YWHAZ: variants seen among roughly 807,000 people sequenced by gnomAD.
The protein encoded by YWHAZ is tyrosine 3-monooxygenase/tryptophan 5-monooxygenase activation protein zeta.
For synonymous variants in YWHAZ, 87 were observed against 103.6 expected, an observed-to-expected ratio of 0.84 and a Z score of 0.97; for missense variants, 79 against 284.8, an observed-to-expected ratio of 0.28 and a Z score of 5.20.
rs11398423 is a variant in YWHAZ at position 100,934,323 on chromosome 8, CTT to C, written c.295-9286_295-9285del. On this transcript the variant is annotated intron_variant, in intron 2 of 5. Coordinates refer to ENST00000395958, the MANE Select transcript of YWHAZ (RefSeq NM_145690.3). ...CATGGGGGACAGAGGGAGACCCTATCTTTTTTTTTTTTTTTTAAAAGGAGGGT... is the reference window on the plus strand; with the variant it reads ...CATGGGGGACAGAGGGAGACCCTATCTTTTTTTTTTTTTTAAAAGGAGGGT... 1.7e-4 allele frequency among the ~76,000 whole-genome samples: 25 copies of C among 144,684 alleles called. 1 individual carries two copies. The highest frequency in any genetic ancestry group is 3.3e-4 in the African/African-American group (13 of 39,240). The allele number at this position is 144,684 out of a possible 152,430, so 94.9% of individuals were successfully genotyped here. A position where few individuals can be genotyped will look rare whatever the true frequency, so the allele number is the denominator to read the frequency against.
At chr8:100,938,470 A>C (rs964254754) in intron 2 of YWHAZ, among the ~76,000 whole-genome samples, 2 of 152,204 alleles carry the variant, frequency 1.3e-5, no homozygotes, top group Admixed American at 6.5e-5. Context: ...TAAAACTCCC[A>C]GTTTATATTA....
chr8:100,941,910 A>T (rs1809894947), intron 2 of YWHAZ, among the ~76,000 whole-genome samples: 1 of 152,248 alleles, frequency 6.6e-6, no homozygotes, highest in Non-Finnish European at 1.5e-5. Context: ...ATTTAATGCA[A>T]TAATCCTTCT....
chr8:100,928,554 A>G (rs969691670), intron 2 of YWHAZ, among the ~76,000 whole-genome samples: 14 of 151,976 alleles, frequency 9.2e-5, no homozygotes, highest in African/African-American at 3.4e-4. Context: ...CAACACGGTA[A>G]AACCTCGTCT....
intron 2 of YWHAZ, among the ~76,000 whole-genome samples, chr8:100,934,323 C>CTTTT (rs11398423): frequency 3.5e-5 from 5 of 144,716 alleles, no homozygotes; most frequent in East Asian, 4.0e-4. Flanking sequence ...GAGACCCTAT[C>CTTTT]TTTTTTTTTT....
At chr8:100,947,948 T>C (rs1810429417) in intron 2 of YWHAZ, 3 of 577,810 alleles carry the variant, frequency 5.2e-6, no homozygotes, top group Non-Finnish European at 8.5e-6. Context: ...CAAAATGTAG[T>C]TTAATTCTTT....
At chr8:100,943,914 A>C (rs59962114) in intron 2 of YWHAZ, among the ~76,000 whole-genome samples, 1 of 151,404 alleles carries the variant, frequency 6.6e-6, no homozygotes, top group East Asian at 1.9e-4. Context: ...GTGAGCCCGG[A>C]AGGCAGAGCT....
chr8:100,920,418 CA>C lies in YWHAZ; in HGVS notation c.*274del. The C allele has an allele frequency of 2.5e-6, 1 of 405,118 alleles. No homozygotes were observed. Among genetic ancestry groups the C allele is most frequent in the Non-Finnish European group, 4.4e-6 (1 of 226,894 alleles). The allele number at this position is 405,118 out of a possible 1,614,324, so 25.1% of individuals were successfully genotyped here. A position where few individuals can be genotyped will look rare whatever the true frequency, so the allele number is the denominator to read the frequency against. On this transcript the variant is annotated 3_prime_UTR_variant, in exon 6 of 6. Transcript: ENST00000395958. The stretch of plus-strand genomic sequence containing the variant: ...TGGCCCTTTTGAAGCCACAATGTAC[CA>C]AAAGTACTATGCCAAACACTTATAA...
intron 2 of YWHAZ, among the ~76,000 whole-genome samples, chr8:100,926,903 C>T (rs1309037747): frequency 5.3e-5 from 8 of 152,142 alleles, no homozygotes; most frequent in Non-Finnish European, 1.2e-4. Context: ...TCAAAAGTTT[C>T]ATTGTTACAC....
At chr8:100,937,405 T>A (rs1814229150) in intron 2 of YWHAZ, among the ~76,000 whole-genome samples, 1 of 152,178 alleles carries the variant, frequency 6.6e-6, no homozygotes, top group South Asian at 2.1e-4. Flanking sequence ...AAAGTTCTCA[T>A]CTTGTCTTAA....
At chr8:100,928,318 C>G in intron 2 of YWHAZ, among the ~76,000 whole-genome samples, 1 of 151,892 alleles carries the variant, frequency 6.6e-6, no homozygotes, top group Non-Finnish European at 1.5e-5. Flanking sequence ...TGGCCTACTT[C>G]TAATAAATCG....
chr8:100,951,264 C>A (rs1308237469), intron 1 of YWHAZ: 56 of 984,702 alleles, frequency 5.7e-5, no homozygotes, highest in Non-Finnish European at 6.6e-5. Flanking sequence ...CAGGCCTGGG[C>A]TCCGGCCCGC....
intron 2 of YWHAZ, among the ~76,000 whole-genome samples, chr8:100,929,632 G>C (rs1317008992): frequency 1.3e-5 from 2 of 152,174 alleles, no homozygotes; most frequent in East Asian, 1.9e-4. Context: ...CTATCTAACC[G>C]GATTTTTGTA....
chr8:100,917,017 C>T lies in YWHAZ; in HGVS notation c.*3676G>A, dbSNP rs888839430. On this transcript the variant is annotated 3_prime_UTR_variant, in exon 6 of 6. Coordinates refer to ENST00000395958, the MANE Select transcript of YWHAZ (RefSeq NM_145690.3). ...TGGTAAATGAGAGAATACAATCAAG[C>T]CAAATTTATTTCTTGACCTTTCCCT... The T allele has an allele frequency of 2.6e-5, 4 of 152,198 alleles. No individual in the cohort carries two copies. The highest frequency in any genetic ancestry group is 9.7e-5 in the African/African-American group (4 of 41,448). The allele number at this position is 152,198 out of a possible 1,614,324, so 9.4% of individuals were successfully genotyped here.
At chr8:100,934,157 C>CAA (rs35069019) in intron 2 of YWHAZ, among the ~76,000 whole-genome samples, 12,878 of 77,976 alleles carry the variant, frequency 0.17, 3,144 homozygotes, top group African/African-American at 0.24. Flanking sequence ...AGACTCGTCT[C>CAA]AAAAAAAAAA....
chr8:100,951,114 G>T, intron 1 of YWHAZ: 42 of 700,118 alleles, frequency 6.0e-5, no homozygotes, highest in Non-Finnish European at 6.8e-5. Flanking sequence ...GAAAATTCAA[G>T]TCCTTCCTCC....
chr8:100,926,699 C>A (rs905070070), intron 2 of YWHAZ, among the ~76,000 whole-genome samples: 3 of 152,196 alleles, frequency 2.0e-5, no homozygotes, highest in African/African-American at 7.2e-5. Flanking sequence ...CTGTCTTACA[C>A]CACATTCATA....
rs1187891831 is a variant in YWHAZ at position 100,919,278 on chromosome 8, A to G, written c.*1415T>C. 1 of 152,678 alleles carries G rather than the reference A, an allele frequency of 6.5e-6. No homozygotes were observed. The highest frequency in any genetic ancestry group is 1.9e-4 in the East Asian group (1 of 5,202). 9.5% of individuals were successfully genotyped at this position (152,678 alleles called of 1,614,324 possible). On this transcript the variant is annotated 3_prime_UTR_variant, in exon 6 of 6. Transcript: ENST00000395958. ...ATCAAAATTGAAGGCAGGCTATAAG[A>G]GTATCAAGAAATTCTTAAAAACCAA... is the stretch of plus-strand genomic sequence containing the variant.
chr8:100,949,524 T>C (rs1294549950), intron 1 of YWHAZ, among the ~76,000 whole-genome samples: 2 of 152,216 alleles, frequency 1.3e-5, no homozygotes, highest in Non-Finnish European at 2.9e-5. Flanking sequence ...TTCAGATATT[T>C]TGAGTATAAA....
Position 100,948,564 on chromosome 8 carries a change from G to A in YWHAZ, c.294+32C>T. 1 of 1,602,754 alleles carries A rather than the reference G, an allele frequency of 6.2e-7. No individual in the cohort carries two copies. Among genetic ancestry groups the A allele is most frequent in the Non-Finnish European group, 8.5e-7 (1 of 1,174,650 alleles). On this transcript the variant is annotated intron_variant, in intron 2 of 5. Transcript: ENST00000395958. This position sits in a 1 kb window ranked among gnomAD's most constrained non-coding sequence, Gnocchi z 4.2. Reference sequence around the variant, plus strand: ...AACTGATACTCATAGGGACCCTACAGTATAATGAAGCCAGACTGAATTGAT... The same window carrying A: ...AACTGATACTCATAGGGACCCTACAATATAATGAAGCCAGACTGAATTGAT...
Sources: allele counts gnomAD v4.1 joint callset (sites outside exome capture counted in the v4.1 genomes callset), GRCh38; gene constraint gnomAD v4.1.1; non-coding constraint Gnocchi (gnomAD v3.1); transcripts MANE v1.5; gene names NCBI Gene and HGNC (gene_info 2026-07-23, HGNC 2026-07-21).